The following SLC2A7 variants were observed in gnomAD, a reference collection of about 807,000 sequenced individuals.
SLC2A7 encodes the protein solute carrier family 2 member 7.
A neutral mutation model predicts 50.5 loss-of-function variants in SLC2A7; 50 were observed. The ratio of observed to expected loss-of-function variants is 0.99; its 90% CI spans 0.79 to 1.25. SLC2A7 has a LOEUF of 1.25. Ranked by LOEUF, SLC2A7 falls within the 50% of genes most tolerant of loss-of-function variation. The probability of loss-of-function intolerance (pLI) is 0.00; values close to 1 mark genes in which losing one functional copy is unlikely to be tolerated. For missense variants in SLC2A7, 683 were observed against 679.1 expected, an observed-to-expected ratio of 1.01 and a Z score of -0.06; for synonymous variants, 308 against 300.4, an observed-to-expected ratio of 1.03 and a Z score of -0.26.
chr1:9,001,727 G>A (rs552092147), downstream of SLC2A7, among the ~76,000 whole-genome samples: 80 of 152,116 alleles, frequency 5.3e-4, 1 homozygote, highest in African/African-American at 1.9e-3. Flanking sequence ...ACTGCACCTT[G>A]TTTTCAAGGA....
In SLC2A7 at chr1:9,004,809, G is replaced by T. The variant is rs750014880; in HGVS notation, c.1263C>A (p.Asp421Glu). 6.2e-7 allele frequency: 1 copy of T among 1,614,110 alleles called. No individual in the cohort carries two copies. Among genetic ancestry groups the T allele is most frequent in the Admixed American group, 1.7e-5 (1 of 60,020 alleles). ...AGTTGGTGAGCCAGTGCACTGCCCC[G>T]TCCACCATGAAAGCTGCCCGCCGGG... ...QSSRRAAFMV[D>E]GAVHWLTNFI... The change falls in exon 11 of 12, where the codon GAC becomes GAA. Residue 421 changes from aspartate (D) to glutamate (E), a missense_variant. Transcript: ENST00000400906.
At chr1:8,999,345 A>G (rs1260509136), downstream of SLC2A7, among the ~76,000 whole-genome samples, 1 of 152,076 alleles carries the variant, frequency 6.6e-6, no homozygotes, top group Non-Finnish European at 1.5e-5. Context: ...TGTGTTTTTC[A>G]AGGAGTTCGT....
intron 9 of SLC2A7, among the ~76,000 whole-genome samples, chr1:9,009,485 G>C (rs113210205): frequency 0.018 from 2,745 of 152,242 alleles, 80 homozygotes; most frequent in African/African-American, 0.064. Context: ...TTGAGACAGG[G>C]TCTCACTGTC....
At position 9,007,393 on chromosome 1, in the gene SLC2A7, G is replaced by A. The variant is rs1640670857; in HGVS notation, c.1117-8C>T. On this transcript the variant is annotated splice_region_variant and splice_polypyrimidine_tract_variant and intron_variant, in intron 9 of 11. Transcript: ENST00000400906. ...CAGCTCGGGGACCCTGTTCTGTGGGGAGAGGCAGGGCTGTCTGGGCTGAGG... is the reference window on the plus strand; with the variant it reads ...CAGCTCGGGGACCCTGTTCTGTGGGAAGAGGCAGGGCTGTCTGGGCTGAGG... 1.2e-6 allele frequency: 2 copies of A among 1,614,008 alleles called. No homozygotes were observed. The highest frequency in any genetic ancestry group is 1.3e-5 in the African/African-American group (1 of 75,046).
In SLC2A7 at chr1:9,019,324, G is replaced by T. The variant is rs1324204737; in HGVS notation, c.321C>A (p.Thr107=). ...LLVDSCGRKG[T]LLINNIFAII... Reference sequence around the variant, plus strand: ...TGGCAAAGATGTTGTTGATCAGCAGGGTCCCCTTTCTGCAAAGACAGTGAG... The same window carrying T: ...TGGCAAAGATGTTGTTGATCAGCAGTGTCCCCTTTCTGCAAAGACAGTGAG... Residue 107 remains threonine (T), a synonymous_variant, in exon 4 of 12, where the codon ACC becomes ACA. Coordinates refer to ENST00000400906, the MANE Select transcript of SLC2A7 (RefSeq NM_207420.3). 1.2e-6 allele frequency: 2 copies of T among 1,614,014 alleles called. No homozygotes were observed. The highest frequency in any genetic ancestry group is 2.2e-5 in the South Asian group (2 of 91,070).
At chr1:9,014,999 C>T in intron 6 of SLC2A7, 118 bp downstream of exon 6, 2 of 1,522,434 alleles carry the variant, frequency 1.3e-6, no homozygotes, top group Non-Finnish European at 1.8e-6. Context: ...CCCCCCCACC[C>T]CGTTCAGCTC....
At chr1:9,014,935 C>G in intron 6 of SLC2A7, 67 bp from the exon 7 acceptor site, 1 of 1,514,100 alleles carries the variant, frequency 6.6e-7, no homozygotes, top group South Asian at 1.3e-5. Flanking sequence ...AGCCCCCATG[C>G]TGGCCCTGAG....
Position 9,008,169 on chromosome 1 carries a change from C to T in SLC2A7, c.1117-784G>A, listed in dbSNP as rs919188189. 7.2e-5 allele frequency among the ~76,000 whole-genome samples: 11 copies of T among 152,206 alleles called. No individual in the cohort carries two copies. The highest frequency in any genetic ancestry group is 1.9e-4 in the East Asian group (1 of 5,182). On this transcript the variant is annotated intron_variant, in intron 9 of 11. Transcript: ENST00000400906. The surrounding 1 kb of genome is among the most constrained non-coding windows in gnomAD (Gnocchi z 5.9). ...GTCAACGGACTTCAGCCAAACTAAC[C>T]GGGTGCCCCCAGATGAACTTCCCAG...
intron 4 of SLC2A7, 125 bp downstream of exon 4, chr1:9,019,084 A>T: frequency 7.8e-7 from 1 of 1,288,696 alleles, no homozygotes; most frequent in East Asian, 2.5e-5. Flanking sequence ...CTGGGGATGC[A>T]GATGGGAGGA....
chr1:9,005,781 C>CAAAAA (rs75636224), intron 10 of SLC2A7, among the ~76,000 whole-genome samples: 2 of 42,622 alleles, frequency 4.7e-5, no homozygotes, highest in African/African-American at 6.9e-5. Flanking sequence ...GACTCCAACT[C>CAAAAA]AAAAAAAAAA....
At chr1:8,998,249 CA>C (rs749043185), downstream of SLC2A7, among the ~76,000 whole-genome samples, 2 of 151,940 alleles carry the variant, frequency 1.3e-5, no homozygotes, top group East Asian at 3.9e-4. Flanking sequence ...ACTAAAAATA[CA>C]AAAAATTAGC....
At position 9,013,642 on chromosome 1, in the gene SLC2A7, A is replaced by G; in HGVS notation, c.904-7T>C. On this transcript the variant is annotated splice_polypyrimidine_tract_variant and splice_region_variant and intron_variant, in intron 7 of 11. Transcript: ENST00000400906. ...TGTCCGCATAGTAGTTGATCTAAAC[A>G]AAAACACAGGGCTGTCAGGACAGGC... 1 of 1,612,586 alleles carries G rather than the reference A, an allele frequency of 6.2e-7. No individual in the cohort carries two copies. The highest frequency in any genetic ancestry group is 2.2e-5 in the East Asian group (1 of 44,856).
chr1:9,026,072 C>A (rs918171854), intron 1 of SLC2A7, among the ~76,000 whole-genome samples: 2 of 152,216 alleles, frequency 1.3e-5, no homozygotes, highest in Non-Finnish European at 2.9e-5. Flanking sequence ...CAGCACCATC[C>A]GCTCTCCCAG....
At chr1:9,001,533 C>T (rs2124230108), downstream of SLC2A7, among the ~76,000 whole-genome samples, 1 of 151,772 alleles carries the variant, frequency 6.6e-6, no homozygotes, top group Non-Finnish European at 1.5e-5. Flanking sequence ...ATTCTCCTGC[C>T]TCAGCCTCCC....
intron 5 of SLC2A7, 94 bp from the exon 6 acceptor site, chr1:9,015,336 C>A (rs1171436894): frequency 1.1e-5 from 16 of 1,426,278 alleles, no homozygotes; most frequent in East Asian, 1.0e-4. Flanking sequence ...ATGTGTGAAC[C>A]AAGGACTGTG....
chr1:9,023,273 A>G (rs951370453), intron 2 of SLC2A7, among the ~76,000 whole-genome samples, 195 bp from the exon 3 acceptor site: 4 of 152,248 alleles, frequency 2.6e-5, no homozygotes, highest in African/African-American at 9.6e-5. Context: ...GAAATGAGAA[A>G]CTAGGCTGAA....
Position 9,013,509 on chromosome 1 carries a change from C to T in SLC2A7, c.1014+16G>A. On this transcript the variant is annotated intron_variant, in intron 8 of 11. Coordinates refer to ENST00000400906, the MANE Select transcript of SLC2A7 (RefSeq NM_207420.3). Reference sequence around the variant, plus strand: ...CAGAGACCCTCCAGCAGGAAGGATGCCTCCTGCTCACTCACCGAGGTGATG... The same window carrying T: ...CAGAGACCCTCCAGCAGGAAGGATGTCTCCTGCTCACTCACCGAGGTGATG... 2 of 1,608,328 alleles carry T rather than the reference C, an allele frequency of 1.2e-6. No homozygotes were observed. The highest frequency in any genetic ancestry group is 1.7e-6 in the Non-Finnish European group (2 of 1,176,316).
chr1:9,003,438 C>T lies in SLC2A7; in HGVS notation c.1401G>A (p.Pro467=), dbSNP rs752407204. The part of the protein sequence containing the change: ...LTAIYIYVVI[P]ETKGKTFVEI... ...CCACAAATGTTTTGCCCTTGGTCTC[C>T]GGAATAACCACGTAGATGTAAATCG... Residue 467 remains proline, a synonymous_variant, in exon 12 of 12, where the codon CCG becomes CCA. Transcript: ENST00000400906. 26 of 1,614,158 alleles carry T rather than the reference C, an allele frequency of 1.6e-5. No homozygotes were observed. Among genetic ancestry groups the T allele is most frequent in the South Asian group, 1.2e-4 (11 of 91,084 alleles).
At chr1:9,005,390 T>C (rs143934508) in intron 10 of SLC2A7, among the ~76,000 whole-genome samples, 3 of 152,334 alleles carry the variant, frequency 2.0e-5, no homozygotes, top group Non-Finnish European at 2.9e-5. Context: ...TTGTCTAAAA[T>C]GTCTAAAGCC....
Sources: allele counts gnomAD v4.1 joint callset (sites outside exome capture counted in the v4.1 genomes callset), GRCh38; gene constraint gnomAD v4.1.1; non-coding constraint Gnocchi (gnomAD v3.1); transcripts MANE v1.5; gene names NCBI Gene and HGNC (gene_info 2026-07-23, HGNC 2026-07-21).